Variants in MGAT4C observed in about 807,000 individuals in gnomAD.
MGAT4C encodes the protein alpha-1,3-mannosyl-glycoprotein 4-beta-N-acetylglucosaminyltransferase C.
In MGAT4C, 19 loss-of-function variants were observed where a neutral mutation model predicts 40.1. That is an observed-to-expected ratio of 0.47 (90% confidence interval 0.33 to 0.70). The LOEUF (loss-of-function observed/expected upper bound fraction) is 0.70. Ranked by LOEUF, MGAT4C falls within the 30% of genes least tolerant of loss-of-function variation. MGAT4C has a pLI of 0.02. For synonymous variants in MGAT4C, 181 were observed against 187.1 expected (o/e 0.97, Z 0.27); for missense variants, 491 against 563.2 (o/e 0.87, Z 1.30).
intron 1 of MGAT4C, among the ~76,000 whole-genome samples, chr12:86,792,100 C>G: frequency 6.6e-6 from 1 of 152,128 alleles, no homozygotes; most frequent in East Asian, 1.9e-4. Flanking sequence ...GAAGGCACTA[C>G]AAACAACTAA....
intron 1 of MGAT4C, among the ~76,000 whole-genome samples, chr12:86,141,538 A>G (rs925398254): frequency 1.8e-4 from 28 of 152,162 alleles, no homozygotes; most frequent in Non-Finnish European, 1.0e-4. Context: ...GTCATCAGCT[A>G]TGAATGACAA....
Position 86,364,747 on chromosome 12 carries a change from CT to C in MGAT4C, c.-119-30621del, listed in dbSNP as rs368046723. On this transcript the variant is annotated intron_variant, in intron 3 of 7. Coordinates refer to the MGAT4C transcript ENST00000548651. Reference sequence around the variant, plus strand: ...ATGTTGGCAGGTTCTGTGATGCCCCCTGAGCCATAAAACCAGCAAGTTTTTA... The same window carrying C: ...ATGTTGGCAGGTTCTGTGATGCCCCCGAGCCATAAAACCAGCAAGTTTTTA... Among the ~76,000 whole-genome samples, 999 of 152,022 alleles carry C rather than the reference CT, an allele frequency of 6.6e-3. 9 individuals carry two copies. Among genetic ancestry groups the C allele is most frequent in the African/African-American group, 0.023 (954 of 41,504 alleles).
intron 4 of MGAT4C, among the ~76,000 whole-genome samples, chr12:86,321,583 C>T (rs573711658): frequency 1.3e-5 from 2 of 152,040 alleles, no homozygotes; most frequent in East Asian, 3.9e-4. Context: ...TGAAAATGGC[C>T]GCCAGAAAAT....
chr12:86,213,232 A>G (rs1281054085), intron 1 of MGAT4C, among the ~76,000 whole-genome samples: 1 of 125,032 alleles, frequency 8.0e-6, no homozygotes, highest in Admixed American at 8.7e-5. Context: ...TGACAGATCA[A>G]TTTGGGATAG....
At chr12:86,568,051 G>A (rs541849008) in intron 2 of MGAT4C, among the ~76,000 whole-genome samples, 6 of 152,180 alleles carry the variant, frequency 3.9e-5, no homozygotes, top group East Asian at 3.9e-4. Context: ...ATGGGTTCAC[G>A]TTGACAAGGG....
At chr12:86,198,376 T>C (rs957335566) in intron 1 of MGAT4C, among the ~76,000 whole-genome samples, 5 of 152,194 alleles carry the variant, frequency 3.3e-5, no homozygotes, top group African/African-American at 1.2e-4. Context: ...CAATCTAATT[T>C]TTTTGACTAA....
chr12:86,141,614 T>G (rs1882847606), intron 1 of MGAT4C, among the ~76,000 whole-genome samples: 2 of 152,162 alleles, frequency 1.3e-5, no homozygotes, highest in South Asian at 4.1e-4. Flanking sequence ...CAGAAAGGGT[T>G]TTGTAATCTT....
rs1883112375 is a variant in MGAT4C, at chr12:85,961,541, C to G, written c.*17748G>C. On this transcript the variant is annotated 3_prime_UTR_variant, in exon 5 of 5. Coordinates refer to ENST00000611864, the MANE Select transcript of MGAT4C (RefSeq NM_001351288.2). Reference sequence around the variant, plus strand: ...TTTTATCATCCTCTACCACATAATTCCTCCTATATTCTCTTTTTCTGACTG... The same window carrying G: ...TTTTATCATCCTCTACCACATAATTGCTCCTATATTCTCTTTTTCTGACTG... 1.3e-5 allele frequency: 2 copies of G among 151,678 alleles called. No individual in the cohort carries two copies. The highest frequency in any genetic ancestry group is 4.1e-4 in the South Asian group (2 of 4,826). 9.4% of individuals were successfully genotyped at this position (151,678 alleles called of 1,614,324 possible).
intron 1 of MGAT4C, among the ~76,000 whole-genome samples, chr12:86,796,837 CTTAGAT>C (rs1565996158): frequency 6.6e-6 from 1 of 151,790 alleles, no homozygotes; most frequent in African/African-American, 2.4e-5. Context: ...ATGTTAATTA[CTTAGAT>C]TTAGTCATTC....
intron 3 of MGAT4C, among the ~76,000 whole-genome samples, chr12:86,355,071 G>A (rs1355897664): frequency 1.3e-5 from 2 of 152,260 alleles, no homozygotes; most frequent in Admixed American, 6.5e-5. Flanking sequence ...CGTCTAGCTA[G>A]CTACAGAGTG....
At chr12:86,361,990 A>G (rs572446882) in intron 3 of MGAT4C, among the ~76,000 whole-genome samples, 2 of 152,378 alleles carry the variant, frequency 1.3e-5, no homozygotes, top group South Asian at 4.1e-4. Context: ...TACTGGGTAT[A>G]TACGCAAAGG....
chr12:86,706,250 T>A (rs571883931), intron 2 of MGAT4C, among the ~76,000 whole-genome samples: 2 of 152,182 alleles, frequency 1.3e-5, no homozygotes, highest in African/African-American at 4.8e-5. Flanking sequence ...TATGATTTTA[T>A]TGCAAGACAG....
intron 1 of MGAT4C, among the ~76,000 whole-genome samples, chr12:86,192,207 T>C (rs990002609): frequency 2.0e-5 from 3 of 151,798 alleles, no homozygotes; most frequent in Non-Finnish European, 4.4e-5. Context: ...CAAACCTGCA[T>C]GTTGTGCACA....
intron 2 of MGAT4C, among the ~76,000 whole-genome samples, chr12:86,479,725 A>T (rs1486141462): frequency 6.6e-6 from 1 of 151,932 alleles, no homozygotes; most frequent in Non-Finnish European, 1.5e-5. Flanking sequence ...TGACTTTATT[A>T]TAGAGCAAGA....
intron 1 of MGAT4C, among the ~76,000 whole-genome samples, chr12:86,157,356 T>A (rs1375813083): frequency 5.9e-5 from 9 of 152,224 alleles, no homozygotes; most frequent in Non-Finnish European, 1.3e-4. Context: ...ATAATAACTT[T>A]AAAGTATTAC....
At chr12:86,002,361 A>G (rs895102283) in intron 2 of MGAT4C, 1 of 152,308 alleles carries the variant, frequency 6.6e-6, no homozygotes, top group Non-Finnish European at 1.5e-5. Context: ...CATTGCATGT[A>G]TGGGCAAAAG....
At chr12:86,602,189 C>T (rs1394334985) in intron 2 of MGAT4C, among the ~76,000 whole-genome samples, 2 of 152,014 alleles carry the variant, frequency 1.3e-5, no homozygotes, top group South Asian at 2.1e-4. Context: ...GTGTGGGATC[C>T]GGGCTGGTAG....
chr12:86,792,314 A>C (rs1053976685), intron 1 of MGAT4C, among the ~76,000 whole-genome samples: 1 of 152,156 alleles, frequency 6.6e-6, no homozygotes, highest in Non-Finnish European at 1.5e-5. Context: ...TAAAATGTTA[A>C]ATATAGAAGA....
intron 3 of MGAT4C, among the ~76,000 whole-genome samples, chr12:86,425,334 G>A (rs1034457580): frequency 6.6e-6 from 1 of 152,168 alleles, no homozygotes; most frequent in African/African-American, 2.4e-5. Context: ...ACCTCATGAT[G>A]TTCTCATGAT....
Sources: gnomAD v4.1 joint callset for allele counts (sites outside exome capture counted in the v4.1 genomes callset) on GRCh38, gnomAD v4.1.1 for gene constraint, MANE v1.5 for transcripts, NCBI Gene and HGNC (gene_info 2026-07-23, HGNC 2026-07-21) for gene names.